Variants in ARHGEF3 observed in about 807,000 individuals in gnomAD.
ARHGEF3 encodes 59.8 kDA protein.
ARHGEF3 carries 28 observed loss-of-function variants against 63.2 expected under a neutral mutation model. The ratio of observed to expected loss-of-function variants is 0.44; its 90% CI spans 0.33 to 0.61. ARHGEF3 has a LOEUF of 0.61. ARHGEF3 is among the 20% of genes least tolerant of loss of function. The pLI is 0.03. For missense variants in ARHGEF3, 533 were observed against 659.3 expected (o/e 0.81, Z 2.10); for synonymous variants, 266 against 254.2 (o/e 1.05, Z -0.44).
intron 1 of ARHGEF3, chr3:57,078,501 C>G (rs1275608399): frequency 1.3e-5 from 2 of 152,356 alleles, no homozygotes; most frequent in African/African-American, 4.8e-5. Context: ...CAAGGGAACC[C>G]GTTTCCACTC....
At chr3:56,847,746 T>C (rs1410692670) in intron 4 of ARHGEF3, among the ~76,000 whole-genome samples, 1 of 152,014 alleles carries the variant, frequency 6.6e-6, no homozygotes, top group African/African-American at 2.4e-5. Flanking sequence ...CCCAGCTAAT[T>C]TTTGTATTTT....
intron 2 of ARHGEF3, among the ~76,000 whole-genome samples, chr3:56,967,863 C>CATATTATATATAATATAATGACATATT (rs1553794065): frequency 1.4e-5 from 1 of 71,012 alleles, no homozygotes; most frequent in Admixed American, 2.7e-4. Context: ...TATATAATGA[C>CATATTATATATAATATAATGACATATT]ATATATAATA....
intron 2 of ARHGEF3, among the ~76,000 whole-genome samples, chr3:56,968,223 A>T (rs868532231): frequency 0.034 from 1,184 of 34,820 alleles, 108 homozygotes; most frequent in Non-Finnish European, 0.051. Flanking sequence ...TATTATATAT[A>T]ATATATATAT....
At chr3:56,885,784 C>T (rs11717590) in intron 3 of ARHGEF3, among the ~76,000 whole-genome samples, 20,846 of 152,158 alleles carry the variant, frequency 0.14, 1,716 homozygotes, top group Non-Finnish European at 0.19. Flanking sequence ...TTAAGGAACC[C>T]ACATGTTTTA....
chr3:56,752,691 A>G (rs1015073248), intron 4 of ARHGEF3, among the ~76,000 whole-genome samples: 3 of 152,238 alleles, frequency 2.0e-5, no homozygotes, highest in Non-Finnish European at 4.4e-5. Flanking sequence ...AAGGGGAGTT[A>G]GACACCAGCA....
At chr3:56,872,162 G>A (rs12492146) in intron 4 of ARHGEF3, among the ~76,000 whole-genome samples, 4,739 of 152,008 alleles carry the variant, frequency 0.031, 305 homozygotes, top group East Asian at 0.21. Context: ...TTTTGCTTTG[G>A]GCACATATAA....
chr3:57,042,651 AATATATATATATATATATAT>A (rs71076013), intron 1 of ARHGEF3, among the ~76,000 whole-genome samples: 6,534 of 49,384 alleles, frequency 0.13, 760 homozygotes, highest in East Asian at 0.27. Flanking sequence ...TATGTACATA[AATATATATATATATATATAT>A]ATATATATAT....
At chr3:56,967,336 G>A (rs188111377) in intron 2 of ARHGEF3, among the ~76,000 whole-genome samples, 2,653 of 47,916 alleles carry the variant, frequency 0.055, 272 homozygotes, top group East Asian at 0.13. Context: ...ATTATATATT[G>A]TACATATCAT....
chr3:56,913,543 T>C (rs1052897796), intron 3 of ARHGEF3, among the ~76,000 whole-genome samples: 1 of 152,142 alleles, frequency 6.6e-6, no homozygotes. Flanking sequence ...CTGGAACCCT[T>C]GTGCACTGTA....
intron 3 of ARHGEF3, chr3:56,939,952 T>C (rs1578892470): frequency 6.6e-6 from 1 of 152,110 alleles, no homozygotes; most frequent in African/African-American, 2.4e-5. Context: ...ATAATCCCAC[T>C]CCCTGGCCAC....
chr3:56,882,860 C>T (rs2040816063), intron 3 of ARHGEF3, among the ~76,000 whole-genome samples: 1 of 152,162 alleles, frequency 6.6e-6, no homozygotes, highest in South Asian at 2.1e-4. Flanking sequence ...TTATGAGAAA[C>T]TATTAAGCTC....
At chr3:56,857,297 C>T (rs1030873477) in intron 4 of ARHGEF3, among the ~76,000 whole-genome samples, 2 of 152,158 alleles carry the variant, frequency 1.3e-5, no homozygotes, top group Non-Finnish European at 2.9e-5. Flanking sequence ...AACTATTCAC[C>T]CCGTTCATCC....
intron 2 of ARHGEF3, among the ~76,000 whole-genome samples, chr3:56,757,784 G>A (rs55967127): frequency 1.3e-5 from 2 of 151,168 alleles, no homozygotes; most frequent in East Asian, 2.0e-4. Context: ...GTGCAGTGGC[G>A]CAGTCTCAGC....
intron 8 of ARHGEF3, 23 bp from the exon 9 acceptor site, chr3:56,732,447 C>G (rs768245979): frequency 5.0e-6 from 8 of 1,613,106 alleles, no homozygotes; most frequent in African/African-American, 2.7e-5. Context: ...AATCCACAAG[C>G]TTTCATTAAG....
chr3:56,967,830 ATAT>A (rs1700634474), intron 2 of ARHGEF3, among the ~76,000 whole-genome samples: 1 of 79,112 alleles, frequency 1.3e-5, no homozygotes, highest in Non-Finnish European at 2.2e-5. Flanking sequence ...AATATAATAT[ATAT>A]TAATTATATT....
intron 3 of ARHGEF3, among the ~76,000 whole-genome samples, chr3:56,883,793 G>A (rs2040841839): frequency 1.3e-5 from 2 of 152,132 alleles, no homozygotes; most frequent in African/African-American, 4.8e-5. Context: ...ACCAGCATGG[G>A]GTTACAGGAG....
At chr3:56,967,863 C>CAAATTATATATAATATATAATGACATATT (rs1700639117) in intron 2 of ARHGEF3, among the ~76,000 whole-genome samples, 1 of 71,012 alleles carries the variant, frequency 1.4e-5, no homozygotes, top group East Asian at 4.6e-4. Flanking sequence ...TATATAATGA[C>CAAATTATATATAATATATAATGACATATT]ATATATAATA....
At chr3:56,756,809 G>A (rs970631575) in intron 2 of ARHGEF3, among the ~76,000 whole-genome samples, 11 of 152,004 alleles carry the variant, frequency 7.2e-5, no homozygotes, top group African/African-American at 2.2e-4. Context: ...TCGGCCTCCC[G>A]AAGTGCTGGA....
chr3:57,014,829 C>T (rs955279109), intron 2 of ARHGEF3, among the ~76,000 whole-genome samples: 12 of 151,944 alleles, frequency 7.9e-5, no homozygotes, highest in East Asian at 1.9e-4. Context: ...TACAGGCGCC[C>T]GCCACTGCAC....
Sources: gnomAD v4.1 joint callset for allele counts (sites outside exome capture counted in the v4.1 genomes callset) on GRCh38, gnomAD v4.1.1 for gene constraint, MANE v1.5 for transcripts, NCBI Gene and HGNC (gene_info 2026-07-23, HGNC 2026-07-21) for gene names.